The following HID1 variants were observed in gnomAD, a reference collection of about 807,000 sequenced individuals.
HID1 encodes HID1 domain containing, also known as protein HID1.
Under a neutral mutation model 89.7 loss-of-function variants are expected in HID1, and 42 were observed. That is an observed-to-expected ratio of 0.47 (90% confidence interval 0.37 to 0.61). HID1 has a LOEUF of 0.61. HID1 is among the 20% of genes least tolerant of loss of function. The pLI is 0.00. For synonymous variants in HID1, 442 were observed against 433.8 expected, an observed-to-expected ratio of 1.02 and a Z score of -0.24; for missense variants, 854 against 1,039.3, an observed-to-expected ratio of 0.82 and a Z score of 2.45.
In HID1 at chr17:74,969,199, T is replaced by C. The variant is rs558412373; in HGVS notation, c.66+3392A>G. 7.2e-5 allele frequency among the ~76,000 whole-genome samples: 11 copies of C among 152,230 alleles called. No homozygotes were observed. The East Asian group carries it at 2.1e-3, about 29-fold the overall frequency. ...AAGGAAGCTTCTAATATCTGATCTT[T>C]TTTTTTCTTTTTTGAGACCGAGTCT... is the stretch of plus-strand genomic sequence containing the variant. On this transcript the variant is annotated intron_variant, in intron 1 of 18. Transcript: ENST00000425042.
In HID1 at chr17:74,952,078, G is replaced by C; in HGVS notation, c.2145-15C>G. ...CCGTCAGGCCCCTGCGGGGAGAGGGGTATCTCCAGCACACTCACGTGGTCC... is the reference window on the plus strand; with the variant it reads ...CCGTCAGGCCCCTGCGGGGAGAGGGCTATCTCCAGCACACTCACGTGGTCC... On this transcript the variant is annotated splice_polypyrimidine_tract_variant and intron_variant, in intron 17 of 18. Coordinates refer to ENST00000425042, the MANE Select transcript of HID1 (RefSeq NM_030630.3). 1 of 1,554,888 alleles carries C rather than the reference G, an allele frequency of 6.4e-7. No homozygotes were observed. The highest frequency in any genetic ancestry group is 8.7e-7 in the Non-Finnish European group (1 of 1,149,400).
rs554551397 is a variant in HID1 at position 74,957,596 on chromosome 17, A to G, written c.1471+545T>C. On this transcript the variant is annotated intron_variant, in intron 12 of 18. Transcript: ENST00000425042. ...CCTTCAGATGTCAAAAAAAATTGTT[A>G]AATTTTTTTTTTTTAAAAAAAGGCC... Among the ~76,000 whole-genome samples the G allele has an allele frequency of 3.9e-5, 6 of 151,900 alleles. No homozygotes were observed. The South Asian group carries it at 1.0e-3, about 26-fold the overall frequency.
At position 74,963,911 on chromosome 17, in the gene HID1, C is replaced by CT. The variant is rs760173729; in HGVS notation, c.217-2dup. The CT allele has an allele frequency of 1.2e-6, 2 of 1,613,752 alleles. No individual in the cohort carries two copies. The highest frequency in any genetic ancestry group is 3.3e-5 in the Admixed American group (2 of 60,012). ...CTCCCTGCACCAGCTTCTCAACGGC[C>CT]TGTGGGGGCAGGCAGGAGCAGAGGG... is the stretch of plus-strand genomic sequence containing the variant. On this transcript the variant is annotated splice_acceptor_variant, in intron 2 of 18. Coordinates refer to ENST00000425042, the MANE Select transcript of HID1 (RefSeq NM_030630.3). LOFTEE classifies it high-confidence loss of function.
In HID1 at chr17:74,959,036, G is replaced by T; in HGVS notation, c.1024C>A (p.Leu342Ile). The T allele has an allele frequency of 1.3e-6, 2 of 1,572,228 alleles. No individual in the cohort carries two copies. Among genetic ancestry groups the T allele is most frequent in the Middle Eastern group, 1.7e-4 (1 of 5,764 alleles). ...GACAGCAGCCGGGCTATACCCTTGA[G>T]GATGAACTGGAAGTCCTGGGGGCGA... ...IHREEDFQFI[L>I]KGIARLLSNP... Residue 342 changes from leucine (L) to isoleucine (I), a missense_variant, in exon 9 of 19, where the codon CTC becomes ATC. Leu to Ile is a conservative substitution (Grantham distance 5, BLOSUM62 2). Coordinates refer to ENST00000425042, the MANE Select transcript of HID1 (RefSeq NM_030630.3). The surrounding 1 kb of genome is among the most constrained non-coding windows in gnomAD (Gnocchi z 4.6).
intron 14 of HID1, 51 bp downstream of exon 14, chr17:74,954,086 TC>T: frequency 6.7e-7 from 1 of 1,488,452 alleles, no homozygotes. Flanking sequence ...ACCATGTCCC[TC>T]CCCCAGCCAC....
rs374245335 is a variant in HID1 at position 74,962,177 on chromosome 17, G to A, written c.611+57C>T. The A allele has an allele frequency of 3.0e-4, 435 of 1,441,928 alleles. 1 individual carries two copies. In the African/African-American group the frequency reaches 4.0e-3, roughly 13 times the overall value. The allele number at this position is 1,441,928 out of a possible 1,614,324, so 89.3% of individuals were successfully genotyped here. A position where few individuals can be genotyped will look rare whatever the true frequency, so the allele number is the denominator to read the frequency against. On this transcript the variant is annotated intron_variant, in intron 5 of 18. Coordinates refer to ENST00000425042, the MANE Select transcript of HID1 (RefSeq NM_030630.3). The surrounding 1 kb of genome is among the most constrained non-coding windows in gnomAD (Gnocchi z 4.3). ...ACCCCATGGGCTTTCTGAGCTGTGC[G>A]GGGGCCCGGCCCGGGGTCCAGCTGC... is the stretch of plus-strand genomic sequence containing the variant.
Position 74,962,292 on chromosome 17 carries a change from C to A in HID1, c.553G>T (p.Glu185Ter). 1 of 1,612,688 alleles carries A rather than the reference C, an allele frequency of 6.2e-7. No homozygotes were observed. The highest frequency in any genetic ancestry group is 1.3e-5 in the African/African-American group (1 of 75,028). The change falls in exon 5 of 19, where the codon GAG becomes TAG. Residue 185 changes from glutamate (E) to a stop codon, truncating the protein, a stop_gained. Transcript: ENST00000425042. LOFTEE classifies it high-confidence loss of function. This position sits in a 1 kb window ranked among gnomAD's most constrained non-coding sequence, Gnocchi z 4.3. The stretch of plus-strand genomic sequence containing the variant: ...GAGTGAGCGAAGCCCACACCAGCCT[C>A]CCAGATGTATTCACAGCTGTCCAGG... ...HSLDSCEYIW[E>*]AGVGFAHSPQ...
intron 18 of HID1, 45 bp downstream of exon 18, chr17:74,951,860 T>A: frequency 6.8e-7 from 1 of 1,477,062 alleles, no homozygotes; most frequent in South Asian, 1.4e-5. Flanking sequence ...TGAGCCCTGC[T>A]GGGCAGGCTC....
In HID1 at chr17:74,958,406, C is replaced by T. The variant is rs1182260707; in HGVS notation, c.1313G>A (p.Arg438Gln). Residue 438 changes from arginine (R) to glutamine (Q), a missense_variant, in exon 11 of 19, where the codon CGG becomes CAG. By Grantham distance (43) the Arg-to-Gln change is conservative. Transcript: ENST00000425042. The surrounding 1 kb of genome is among the most constrained non-coding windows in gnomAD (Gnocchi z 5.2). ...GCGGATTGAGTAGGGTTTGTTCAGC[C>T]GCACCCCGAAGTTCCGCTCCCCGCT... Reference protein sequence around the residue: ...LLSGERNFGVRLNKPYSIRVP... With the variant: ...LLSGERNFGVQLNKPYSIRVP... 10 of 1,609,190 alleles carry T rather than the reference C, an allele frequency of 6.2e-6. No individual in the cohort carries two copies. Among genetic ancestry groups the T allele is most frequent in the Middle Eastern group, 1.6e-4 (1 of 6,080 alleles).
Position 74,958,570 on chromosome 17 carries a change from G to C in HID1, c.1241-92C>G. ...ATTTTGGAGGCCTCCCTCCTAGGAG[G>C]TCAGAGTGCCAGGCCTGAGCTCCTG... On this transcript the variant is annotated intron_variant, in intron 10 of 18. Transcript: ENST00000425042. The surrounding 1 kb of genome is among the most constrained non-coding windows in gnomAD (Gnocchi z 5.2). 1.3e-6 allele frequency: 2 copies of C among 1,583,772 alleles called. No individual in the cohort carries two copies.
intron 1 of HID1, among the ~76,000 whole-genome samples, chr17:74,968,547 C>A (rs1277702535): frequency 6.6e-6 from 1 of 152,196 alleles, no homozygotes; most frequent in Non-Finnish European, 1.5e-5. Flanking sequence ...AGAGCGAGTT[C>A]TTCACTGGGG....
At chr17:74,960,706 G>T (rs12603563) in intron 6 of HID1, among the ~76,000 whole-genome samples, 48,516 of 152,140 alleles carry the variant, frequency 0.32, 7,842 homozygotes, top group Admixed American at 0.39. Context: ...GGCCAGCCTC[G>T]GACTGTGGCT....
At chr17:74,952,086 A>C in intron 17 of HID1, 23 bp from the exon 18 acceptor site, 10 of 1,554,108 alleles carry the variant, frequency 6.4e-6, no homozygotes, top group Non-Finnish European at 8.7e-6. Flanking sequence ...GGGTATCTCC[A>C]GCACACTCAC....
intron 3 of HID1, 26 bp from the exon 4 acceptor site, chr17:74,963,107 C>T: frequency 6.5e-7 from 1 of 1,531,390 alleles, no homozygotes; most frequent in Non-Finnish European, 8.9e-7. Flanking sequence ...CCACAGGCTG[C>T]CTCAGTGATA....
chr17:74,964,438 G>C, intron 2 of HID1, 45 bp downstream of exon 2: 6 of 1,580,268 alleles, frequency 3.8e-6, no homozygotes, highest in Non-Finnish European at 5.2e-6. Context: ...CCTGCTGTGG[G>C]CTGGGAGGGT....
chr17:74,958,855 G>A lies in HID1; in HGVS notation c.1149+56C>T. On this transcript the variant is annotated intron_variant, in intron 9 of 18. Transcript: ENST00000425042. This position sits in a 1 kb window ranked among gnomAD's most constrained non-coding sequence, Gnocchi z 5.2. ...CAGTCTGACACTGTCCCTGCCCCCG[G>A]GTTATTGGGGCAGCTGCTCTCCATC... 6.3e-7 allele frequency: 1 copy of A among 1,581,964 alleles called. No individual in the cohort carries two copies. Among genetic ancestry groups the A allele is most frequent in the African/African-American group, 1.3e-5 (1 of 74,192 alleles).
rs1344917350 is a variant in HID1 at position 74,958,378 on chromosome 17, C to T, written c.1341G>A (p.Val447=). The T allele has an allele frequency of 2.0e-5, 33 of 1,612,678 alleles. No homozygotes were observed. The highest frequency in any genetic ancestry group is 2.8e-5 in the Non-Finnish European group (33 of 1,179,526). Residue 447 remains valine, a synonymous_variant, in exon 11 of 19, where the codon GTG becomes GTA. Coordinates refer to ENST00000425042, the MANE Select transcript of HID1 (RefSeq NM_030630.3). The surrounding 1 kb of genome is among the most constrained non-coding windows in gnomAD (Gnocchi z 5.2). The stretch of plus-strand genomic sequence containing the variant: ...CTGTGAAGACTGGGATGTCCATGGG[C>T]ACGCGGATTGAGTAGGGTTTGTTCA... ...VRLNKPYSIR[V]PMDIPVFTGT...
At chr17:74,961,195 T>C (rs2039474664) in intron 6 of HID1, among the ~76,000 whole-genome samples, 1 of 152,228 alleles carries the variant, frequency 6.6e-6, no homozygotes, top group East Asian at 1.9e-4. Flanking sequence ...TAATGTTGTA[T>C]ACTGATTCCA....
intron 1 of HID1, among the ~76,000 whole-genome samples, chr17:74,967,538 C>CA (rs1482265309): frequency 6.6e-6 from 1 of 151,246 alleles, no homozygotes; most frequent in African/African-American, 2.4e-5. Context: ...GACTCCGTCT[C>CA]AAAAAAATAA....
Sources: allele counts gnomAD v4.1 joint callset (sites outside exome capture counted in the v4.1 genomes callset), GRCh38; gene constraint gnomAD v4.1.1; non-coding constraint Gnocchi (gnomAD v3.1); transcripts MANE v1.5; gene names NCBI Gene and HGNC (gene_info 2026-07-23, HGNC 2026-07-21).